FBLN7: variants seen among roughly 807,000 people sequenced by gnomAD.
FBLN7 encodes the protein fibulin 7, also known as fibulin-7.
A neutral mutation model predicts 44.0 loss-of-function variants in FBLN7; 31 were observed. The ratio of observed to expected loss-of-function variants is 0.70; its 90% CI spans 0.53 to 0.95. The LOEUF (loss-of-function observed/expected upper bound fraction) is 0.95, where lower values mean the gene tolerates loss of function less well. Ranked by LOEUF, FBLN7 falls within the 40% of genes least tolerant of loss-of-function variation. FBLN7 has a pLI of 0.00. For missense variants in FBLN7, 573 were observed against 618.5 expected, an observed-to-expected ratio of 0.93 and a Z score of 0.78; for synonymous variants, 262 against 253.4, an observed-to-expected ratio of 1.03 and a Z score of -0.32.
intron 4 of FBLN7, among the ~76,000 whole-genome samples, chr2:112,180,699 T>C (rs967867286): frequency 5.3e-5 from 8 of 151,892 alleles, no homozygotes; most frequent in South Asian, 2.1e-4. Flanking sequence ...GGTGGGCAGA[T>C]CACGAAGTCA....
the FBLN7 span, among the ~76,000 whole-genome samples, chr2:112,231,588 TG>T: frequency 6.6e-6 from 1 of 152,198 alleles, no homozygotes; most frequent in Non-Finnish European, 1.5e-5. Flanking sequence ...GCTATTAAAA[TG>T]GCTAATTATA....
At chr2:112,167,519 T>A (rs906431945) in intron 3 of FBLN7, among the ~76,000 whole-genome samples, 2 of 152,066 alleles carry the variant, frequency 1.3e-5, no homozygotes, top group African/African-American at 4.8e-5. Context: ...GAAAAGAGGG[T>A]CCTGCCGTGT....
chr2:112,162,268 G>C (rs559233291), intron 2 of FBLN7, among the ~76,000 whole-genome samples: 2 of 151,350 alleles, frequency 1.3e-5, no homozygotes, highest in Non-Finnish European at 2.9e-5. Context: ...CCTCAGCTTC[G>C]CAAAGTGCTG....
intron 4 of FBLN7, 139 bp downstream of exon 4, chr2:112,175,978 C>A: frequency 9.3e-7 from 1 of 1,072,050 alleles, no homozygotes; most frequent in Non-Finnish European, 1.3e-6. Context: ...TGTTTCACAT[C>A]CACCGATCCC....
rs745785029 is a variant in FBLN7 at position 112,187,584 on chromosome 2, C to T, written c.*78C>T. 3.3e-5 allele frequency: 51 copies of T among 1,550,902 alleles called. No homozygotes were observed. The highest frequency in any genetic ancestry group is 4.1e-5 in the Non-Finnish European group (47 of 1,143,918). ...AAGGCTCAGCTTCGGGCACCGACTG[C>T]GTGGAGCCTCCCGCCTGTTCCCGCC... On this transcript the variant is annotated 3_prime_UTR_variant, in exon 8 of 8. Transcript: ENST00000331203. This position sits in a 1 kb window ranked among gnomAD's most constrained non-coding sequence, Gnocchi z 5.1.
chr2:112,223,623 G>T, the FBLN7 span, among the ~76,000 whole-genome samples: 1 of 152,040 alleles, frequency 6.6e-6, no homozygotes, highest in African/African-American at 2.4e-5. Context: ...AAAATGTATA[G>T]GTTTAGATGT....
At chr2:112,191,596 A>T (rs1017024346), downstream of FBLN7, among the ~76,000 whole-genome samples, 2 of 152,190 alleles carry the variant, frequency 1.3e-5, no homozygotes, top group Non-Finnish European at 2.9e-5. Flanking sequence ...TATAAGAACA[A>T]TGCCAACCTT....
chr2:112,174,812 C>T (rs1169670034), intron 3 of FBLN7, among the ~76,000 whole-genome samples: 1 of 152,154 alleles, frequency 6.6e-6, no homozygotes, highest in South Asian at 2.1e-4. Context: ...CGGGTTCAAG[C>T]GATTCTCCTG....
the FBLN7 span, among the ~76,000 whole-genome samples, chr2:112,209,483 A>G: frequency 5.5e-4 from 84 of 152,372 alleles, no homozygotes; most frequent in African/African-American, 2.0e-3. Flanking sequence ...GAAGTAATAA[A>G]GAAATATACC....
At position 112,173,830 on chromosome 2, in the gene FBLN7, G is replaced by C. The variant is rs142755085; in HGVS notation, c.407-1884G>C. Among the ~76,000 whole-genome samples, 27 of 152,372 alleles carry C rather than the reference G, an allele frequency of 1.8e-4. No individual in the cohort carries two copies. The East Asian group carries it at 5.2e-3, about 29-fold the overall frequency. On this transcript the variant is annotated intron_variant, in intron 3 of 7. Transcript: ENST00000331203. ...TGCCGGGCTGGACATCAGGCCATTG[G>C]ATGCCTCTGATTGCATATCAAGATA...
At chr2:112,143,884 C>T (rs529746550) in intron 1 of FBLN7, among the ~76,000 whole-genome samples, 63 of 152,238 alleles carry the variant, frequency 4.1e-4, no homozygotes, top group African/African-American at 1.4e-3. Flanking sequence ...CACCCGGCCT[C>T]CACAATGTCA....
chr2:112,206,881 C>T, the FBLN7 span, among the ~76,000 whole-genome samples: 4,899 of 151,684 alleles, frequency 0.032, 199 homozygotes, highest in African/African-American at 0.087. Context: ...CACAGGTGCA[C>T]AGAACCATGC....
At chr2:112,217,812 T>A in the FBLN7 span, among the ~76,000 whole-genome samples, 1 of 152,258 alleles carries the variant, frequency 6.6e-6, no homozygotes, top group Non-Finnish European at 1.5e-5. Context: ...AGGGTCACTC[T>A]GTTCATTTCT....
At chr2:112,196,723 G>A in the FBLN7 span, among the ~76,000 whole-genome samples, 2 of 152,094 alleles carry the variant, frequency 1.3e-5, no homozygotes, top group African/African-American at 4.8e-5. Context: ...GTTGTAGGCT[G>A]AACTGTGTCT....
chr2:112,146,603 G>T, intron 1 of FBLN7, among the ~76,000 whole-genome samples: 1 of 142,552 alleles, frequency 7.0e-6, no homozygotes, highest in Non-Finnish European at 1.5e-5. Flanking sequence ...ATTTCCAAGT[G>T]GATATCCCTA....
At chr2:112,160,626 C>T (rs1395757052) in intron 2 of FBLN7, among the ~76,000 whole-genome samples, 2 of 151,818 alleles carry the variant, frequency 1.3e-5, no homozygotes, top group Non-Finnish European at 2.9e-5. Flanking sequence ...CCTCCACACC[C>T]TCTGTGCGTG....
intron 2 of FBLN7, among the ~76,000 whole-genome samples, chr2:112,160,284 C>T (rs966447295): frequency 1.8e-4 from 28 of 152,310 alleles, no homozygotes; most frequent in South Asian, 6.2e-4. Flanking sequence ...GCCACCGCGC[C>T]GGGCCAATCT....
intron 6 of FBLN7, among the ~76,000 whole-genome samples, 199 bp from the exon 7 acceptor site, chr2:112,185,002 C>A (rs1683197241): frequency 1.3e-5 from 2 of 151,714 alleles, no homozygotes; most frequent in South Asian, 4.2e-4. Context: ...AGGACAGGAT[C>A]CCAGGGAGGG....
intron 4 of FBLN7, chr2:112,177,288 TC>T (rs1041334632): frequency 1.3e-5 from 2 of 152,184 alleles, no homozygotes. Flanking sequence ...TTATAAAGTG[TC>T]CCCATGGCCA....
Sources: allele counts gnomAD v4.1 joint callset (sites outside exome capture counted in the v4.1 genomes callset), GRCh38; gene constraint gnomAD v4.1.1; non-coding constraint Gnocchi (gnomAD v3.1); transcripts MANE v1.5; gene names NCBI Gene and HGNC (gene_info 2026-07-23, HGNC 2026-07-21).